The following LRP1B variants were observed in gnomAD, a reference collection of about 807,000 sequenced individuals.
LRP1B encodes LDL receptor related protein 1B, also known as low-density lipoprotein receptor-related protein 1B.
In LRP1B, 217 loss-of-function variants were observed where a neutral mutation model predicts 556.6. That is an observed-to-expected ratio of 0.39 (90% CI 0.35 to 0.44). The LOEUF (loss-of-function observed/expected upper bound fraction) is 0.44, where lower values mean the gene tolerates loss of function less well. Among genes scored for constraint, LRP1B ranks in the 20% least tolerant of loss-of-function variants. LRP1B has a pLI of 1.00. For synonymous variants in LRP1B, 2,047 were observed against 1,865.8 expected (o/e 1.10, Z -2.50); for missense variants, 5,053 against 5,620.8 (o/e 0.90, Z 3.23).
intron 1 of LRP1B, among the ~76,000 whole-genome samples, chr2:141,830,384 C>T (rs1697073216): frequency 6.6e-6 from 1 of 151,726 alleles, no homozygotes; most frequent in Non-Finnish European, 1.5e-5. Flanking sequence ...ATTTGAGAAA[C>T]CTAAAAGTAA....
intron 53 of LRP1B, among the ~76,000 whole-genome samples, chr2:140,504,706 C>T (rs1486362675): frequency 6.6e-6 from 1 of 152,192 alleles, no homozygotes; most frequent in African/African-American, 2.4e-5. Flanking sequence ...ATCACCAAGT[C>T]ATCCAAGCTA....
intron 15 of LRP1B, among the ~76,000 whole-genome samples, chr2:141,001,088 G>A (rs75143843): frequency 0.034 from 5,100 of 152,066 alleles, 102 homozygotes; most frequent in African/African-American, 0.041. Context: ...CTATTCAAAT[G>A]TTAGTACATG....
intron 16 of LRP1B, 119 bp downstream of exon 16, chr2:140,993,876 T>A: frequency 9.8e-7 from 1 of 1,018,680 alleles, no homozygotes; most frequent in South Asian, 1.6e-5. Context: ...GACTGAAAAA[T>A]TAAACTAGGT....
In LRP1B at chr2:141,177,575, C is replaced by T. The variant is rs533073309; in HGVS notation, c.1013+10846G>A. 5.3e-5 allele frequency among the ~76,000 whole-genome samples: 8 copies of T among 152,106 alleles called. No homozygotes were observed. The East Asian group carries it at 1.2e-3, about 22-fold the overall frequency. On this transcript the variant is annotated intron_variant, in intron 7 of 90. Coordinates refer to ENST00000389484, the MANE Select transcript of LRP1B (RefSeq NM_018557.3). ...AGATTTAAAGAAATAAGTTTAAAAG[C>T]ACAATATTAATAGTTGTATTAGTTA...
At chr2:140,946,557 T>C (rs1338136899) in intron 20 of LRP1B, among the ~76,000 whole-genome samples, 4 of 152,080 alleles carry the variant, frequency 2.6e-5, no homozygotes, top group African/African-American at 7.2e-5. Flanking sequence ...GCTGAGATCA[T>C]GCCACTGCAC....
At chr2:141,169,287 AAAATAAAT>A (rs201628193) in intron 7 of LRP1B, among the ~76,000 whole-genome samples, 6,550 of 137,784 alleles carry the variant, frequency 0.048, 282 homozygotes, top group African/African-American at 0.11. Flanking sequence ...CTCTGTCTCA[AAAATAAAT>A]AAATAAATAA....
intron 47 of LRP1B, among the ~76,000 whole-genome samples, chr2:140,527,329 C>G (rs1690480674): frequency 6.6e-6 from 1 of 151,764 alleles, no homozygotes; most frequent in Non-Finnish European, 1.5e-5. Context: ...AAAGGACAAC[C>G]AGAAGGGCCC....
chr2:141,492,805 G>A (rs1270857692), intron 2 of LRP1B, among the ~76,000 whole-genome samples: 1 of 152,092 alleles, frequency 6.6e-6, no homozygotes, highest in Non-Finnish European at 1.5e-5. Context: ...AAATATACCA[G>A]TCCTGAATCA....
At chr2:141,507,535 A>G (rs1223363855) in intron 2 of LRP1B, among the ~76,000 whole-genome samples, 1 of 152,150 alleles carries the variant, frequency 6.6e-6, no homozygotes, top group Non-Finnish European at 1.5e-5. Flanking sequence ...TTTTCTATGC[A>G]GTCACGCAGT....
At chr2:141,882,394 G>A (rs1281950635) in intron 1 of LRP1B, among the ~76,000 whole-genome samples, 1 of 152,140 alleles carries the variant, frequency 6.6e-6, no homozygotes. Flanking sequence ...TGGGGTCCCT[G>A]TGAACACAGG....
intron 63 of LRP1B, among the ~76,000 whole-genome samples, chr2:140,450,076 C>T (rs534498521): frequency 6.6e-6 from 1 of 152,174 alleles, no homozygotes; most frequent in East Asian, 1.9e-4. Flanking sequence ...TATTAAATTA[C>T]CTAATGGCAA....
At chr2:142,120,256 C>T (rs1707413452) in intron 1 of LRP1B, among the ~76,000 whole-genome samples, 1 of 152,114 alleles carries the variant, frequency 6.6e-6, no homozygotes, top group African/African-American at 2.4e-5. Context: ...GGACTACAGG[C>T]ACATGCAACT....
At chr2:141,569,719 A>G (rs1686461805) in intron 2 of LRP1B, among the ~76,000 whole-genome samples, 1 of 151,156 alleles carries the variant, frequency 6.6e-6, no homozygotes. Flanking sequence ...TGGCTGGAAA[A>G]TGCCAAATTA....
intron 1 of LRP1B, among the ~76,000 whole-genome samples, chr2:141,962,167 G>A (rs1701419754): frequency 6.6e-6 from 1 of 151,690 alleles, no homozygotes; most frequent in Non-Finnish European, 1.5e-5. Flanking sequence ...CAGATCATTT[G>A]TTGAATAAAA....
chr2:141,696,609 A>T (rs1428254035), intron 2 of LRP1B, among the ~76,000 whole-genome samples: 2 of 152,026 alleles, frequency 1.3e-5, no homozygotes, highest in Non-Finnish European at 2.9e-5. Flanking sequence ...ATAAGCAGTC[A>T]TGCTACAACA....
chr2:140,938,770 C>T (rs547289760), intron 20 of LRP1B, among the ~76,000 whole-genome samples: 1 of 152,170 alleles, frequency 6.6e-6, no homozygotes, highest in Non-Finnish European at 1.5e-5. Context: ...CATACATTAA[C>T]TCCCTTTTCT....
chr2:140,940,206 AACATTTCTGAATAG>A (rs1695356200), intron 20 of LRP1B, among the ~76,000 whole-genome samples: 2 of 152,164 alleles, frequency 1.3e-5, no homozygotes, highest in South Asian at 4.1e-4. Context: ...AATTGTTACA[AACATTTCTGAATAG>A]AAACTTACCT....
rs889156427 is a variant in LRP1B at position 140,501,859 on chromosome 2, C to G, written c.8678G>C (p.Ser2893Thr). The change falls in exon 55 of 91, where the codon AGT becomes ACT. Residue 2893 changes from serine to threonine, a missense_variant. Around this residue, in one of 5 missense-constraint regions of LRP1B, gnomAD observed 3,619 missense variants for 3,931.9 expected, o/e 0.92. Transcript: ENST00000389484. ...KCKSAEQSCN[S>T]SFFMCKNGRC... ...GCCATTTTTGCACATAAAAAATGAA[C>G]TGTTGCATGACTGTTCTGGAAAAAA... 6.2e-7 allele frequency: 1 copy of G among 1,604,988 alleles called. No individual in the cohort carries two copies. The highest frequency in any genetic ancestry group is 1.3e-5 in the African/African-American group (1 of 74,682).
intron 41 of LRP1B, among the ~76,000 whole-genome samples, chr2:140,676,448 A>T (rs961698834): frequency 5.3e-5 from 8 of 152,134 alleles, no homozygotes; most frequent in Admixed American, 1.3e-4. Flanking sequence ...ACTTTTTTTT[A>T]AAATCACCCC....
Sources: allele counts gnomAD v4.1 joint callset (sites outside exome capture counted in the v4.1 genomes callset), GRCh38; gene constraint gnomAD v4.1.1; regional missense constraint gnomAD v4.1.1; transcripts MANE v1.5; gene names NCBI Gene and HGNC (gene_info 2026-07-23, HGNC 2026-07-21).